The following ASAH2 variants were observed in gnomAD, a reference collection of about 807,000 sequenced individuals.
The protein encoded by ASAH2 is neutral ceramidase.
In ASAH2, 58 loss-of-function variants were observed where a neutral mutation model predicts 82.9. That is an observed-to-expected ratio of 0.70 (90% CI 0.57 to 0.87). The LOEUF is 0.87. Ranked by LOEUF, ASAH2 falls within the 40% of genes least tolerant of loss-of-function variation. The probability of loss-of-function intolerance (pLI) is 0.00; values close to 1 mark genes in which losing one functional copy is unlikely to be tolerated. For missense variants in ASAH2, 779 were observed against 834.0 expected (o/e 0.93, Z 0.81); for synonymous variants, 276 against 289.7 (o/e 0.95, Z 0.48).
chr10:50,208,483 C>T (rs1589329028), intron 12 of ASAH2, among the ~76,000 whole-genome samples: 2 of 151,874 alleles, frequency 1.3e-5, no homozygotes, highest in East Asian at 3.9e-4. Flanking sequence ...GTCAATACAG[C>T]TATCTGTTGT....
At chr10:50,251,363 C>T (rs1322903834) in intron 1 of ASAH2, among the ~76,000 whole-genome samples, 32 bp downstream of exon 1, 1 of 152,180 alleles carries the variant, frequency 6.6e-6, no homozygotes, top group African/African-American at 2.4e-5. Flanking sequence ...CCCTCCTTCC[C>T]TCCTTCCCCA....
At chr10:50,205,013 G>C in intron 13 of ASAH2, 58 bp from the exon 14 acceptor site, 1 of 1,184,110 alleles carries the variant, frequency 8.4e-7, no homozygotes, top group Non-Finnish European at 1.2e-6. Context: ...ATGGTCAACA[G>C]ACATATAGTG....
At chr10:50,207,515 G>T (rs1056336514) in intron 12 of ASAH2, among the ~76,000 whole-genome samples, 252 of 150,532 alleles carry the variant, frequency 1.7e-3, no homozygotes, top group African/African-American at 5.8e-3. Context: ...GAAATAAAAA[G>T]AATTATAAAG....
chr10:50,214,764 A>G lies in ASAH2; in HGVS notation c.1119T>C (p.Asn373=). The G allele has an allele frequency of 6.2e-7, 1 of 1,613,766 alleles. No individual in the cohort carries two copies. The highest frequency in any genetic ancestry group is 8.5e-7 in the Non-Finnish European group (1 of 1,179,704). ...INTGESCDNA[N]STCPIGGPSM... ...CTACCCCACCAATGGGACAAGTGCT[A>G]TTGGCGTTATCACAGGACTCTCCTG... Residue 373 remains asparagine (N), a synonymous_variant, in exon 9 of 21, where the codon AAT becomes AAC. Coordinates refer to ENST00000682911, the MANE Select transcript of ASAH2 (RefSeq NM_019893.4).
In ASAH2 at chr10:50,245,378, T is replaced by G; in HGVS notation, c.204A>C (p.Thr68=). ...GGGTGGCTGTGGAATGCTGGGTGGCTGTGGAGCGTTGGGCAGCTGTGGAGC... is the reference window on the plus strand; with the variant it reads ...GGGTGGCTGTGGAATGCTGGGTGGCGGTGGAGCGTTGGGCAGCTGTGGAGC... ...TQGSTAAQRS[T]ATQHSTATQS... The change falls in exon 3 of 21, where the codon ACA becomes ACC. Residue 68 remains threonine (T), a synonymous_variant. Transcript: ENST00000682911. 1 of 1,613,860 alleles carries G rather than the reference T, an allele frequency of 6.2e-7. No individual in the cohort carries two copies. The highest frequency in any genetic ancestry group is 1.1e-5 in the South Asian group (1 of 91,052).
chr10:50,228,653 T>A (rs1022704357), intron 7 of ASAH2, among the ~76,000 whole-genome samples: 4 of 152,112 alleles, frequency 2.6e-5, no homozygotes, highest in Non-Finnish European at 5.9e-5. Flanking sequence ...ACTGCCCCTG[T>A]CATCTTAAAA....
intron 4 of ASAH2, 75 bp from the exon 5 acceptor site, chr10:50,236,139 T>C: frequency 7.8e-7 from 1 of 1,282,280 alleles, no homozygotes. Context: ...CTTTGATGAG[T>C]TCAATCACTG....
At chr10:50,244,842 T>G (rs559196829) in intron 3 of ASAH2, among the ~76,000 whole-genome samples, 3 of 152,094 alleles carry the variant, frequency 2.0e-5, no homozygotes, top group East Asian at 1.9e-4. Context: ...ATTTGTGCTT[T>G]TTTTTTCCTC....
chr10:50,203,702 T>C (rs2133201445), intron 14 of ASAH2, 23 bp from the exon 15 acceptor site: 2 of 1,610,714 alleles, frequency 1.2e-6, no homozygotes, highest in Admixed American at 3.3e-5. Context: ...AAAAATTATG[T>C]AAACGTTTTC....
intron 18 of ASAH2, among the ~76,000 whole-genome samples, chr10:50,195,266 C>T (rs955633339): frequency 0.11 from 16,351 of 151,606 alleles, 1,326 homozygotes; most frequent in Admixed American, 0.27. Flanking sequence ...AGAAGACATA[C>T]AAATGCTCAA....
intron 10 of ASAH2, among the ~76,000 whole-genome samples, chr10:50,212,182 AACACAC>A (rs3837301): frequency 0.021 from 3,155 of 146,984 alleles, 42 homozygotes; most frequent in Non-Finnish European, 0.032. Flanking sequence ...AAACTATTTA[AACACAC>A]ACACACACAC....
At chr10:50,245,570 T>C in intron 2 of ASAH2, 116 bp from the exon 3 acceptor site, 1 of 928,162 alleles carries the variant, frequency 1.1e-6, no homozygotes, top group Non-Finnish European at 1.6e-6. Flanking sequence ...TATATTTTCT[T>C]ATACATAAAA....
At chr10:50,241,944 G>A (rs1020990143) in intron 4 of ASAH2, among the ~76,000 whole-genome samples, 12 of 152,006 alleles carry the variant, frequency 7.9e-5, no homozygotes, top group African/African-American at 2.7e-4. Context: ...TAGATGACGG[G>A]TTGATGGGTC....
chr10:50,219,915 A>G (rs550614950), intron 7 of ASAH2, among the ~76,000 whole-genome samples: 1 of 152,344 alleles, frequency 6.6e-6, no homozygotes, highest in Non-Finnish European at 1.5e-5. Flanking sequence ...GTGTTGCCTT[A>G]TGGGAGTATA....
At chr10:50,199,010 A>ACACG in intron 17 of ASAH2, 41 bp downstream of exon 17, 9 of 1,569,528 alleles carry the variant, frequency 5.7e-6, no homozygotes, top group Non-Finnish European at 7.9e-6. Context: ...ACACACACAC[A>ACACG]CACGCACGCG....
intron 13 of ASAH2, 82 bp from the exon 14 acceptor site, chr10:50,205,037 C>T (rs1402055645): frequency 2.1e-5 from 19 of 913,152 alleles, no homozygotes; most frequent in Non-Finnish European, 3.1e-5. Flanking sequence ...CCAGAATTTC[C>T]TCTAGTTTCT....
intron 20 of ASAH2, among the ~76,000 whole-genome samples, chr10:50,189,038 T>C (rs1478945990): frequency 0.014 from 1,952 of 143,432 alleles, 75 homozygotes; most frequent in African/African-American, 0.052. Context: ...ACACCCAAGC[T>C]TCTAGTGTTT....
At chr10:50,229,918 C>T (rs964793687) in intron 7 of ASAH2, among the ~76,000 whole-genome samples, 1 of 152,252 alleles carries the variant, frequency 6.6e-6, no homozygotes, top group East Asian at 1.9e-4. Context: ...GTATTGTATG[C>T]CTATCTGTAT....
intron 2 of ASAH2, among the ~76,000 whole-genome samples, chr10:50,246,565 CAAA>C (rs1393033665): frequency 1.3e-5 from 2 of 152,048 alleles, no homozygotes; most frequent in Non-Finnish European, 2.9e-5. Context: ...ATTCAGAGCT[CAAA>C]AAACTTAGAG....
Sources: allele counts gnomAD v4.1 joint callset (sites outside exome capture counted in the v4.1 genomes callset), GRCh38; gene constraint gnomAD v4.1.1; transcripts MANE v1.5; gene names NCBI Gene and HGNC (gene_info 2026-07-23, HGNC 2026-07-21).